FN1: variants seen among roughly 807,000 people sequenced by gnomAD.
FN1 encodes fibronectin.
Under a neutral mutation model 297.3 loss-of-function variants are expected in FN1, and 106 were observed. The observed-to-expected ratio is 0.36, with a 90% CI of 0.30 to 0.42. The LOEUF is 0.42. FN1 is among the 10% of genes least tolerant of loss of function. The pLI is 1.00. For synonymous variants in FN1, 1,149 were observed against 1,152.6 expected (o/e 1.00, Z 0.06); for missense variants, 2,690 against 3,124.9 (o/e 0.86, Z 3.32).
rs1278941021 is a variant in FN1 at position 215,379,293 on chromosome 2, T to G, written c.5459A>C (p.Lys1820Thr). 6.2e-7 allele frequency: 1 copy of G among 1,613,836 alleles called. No homozygotes were observed. Residue 1820 changes from lysine to threonine, a missense_variant, in exon 34 of 46, where the codon AAG becomes ACG. By Grantham distance (78) the Lys-to-Thr change is moderately conservative (BLOSUM62 -1). Transcript: ENST00000354785. ...GCTTGTGGGTGTGACCTGAGTGAAC[T>G]TCAGGTCAGTTGGTGCAGGAATAGC... Reference protein sequence around the residue: ...STAIPAPTDLKFTQVTPTSLS... With the variant: ...STAIPAPTDLTFTQVTPTSLS...
chr2:215,388,102 A>T, intron 27 of FN1, 110 bp downstream of exon 27: 3 of 810,204 alleles, frequency 3.7e-6, no homozygotes, highest in Non-Finnish European at 6.4e-6. Flanking sequence ...AAAGGTACAC[A>T]CACCATGACA....
intron 23 of FN1, among the ~76,000 whole-genome samples, chr2:215,395,028 G>C (rs2060151261): frequency 6.6e-6 from 1 of 152,118 alleles, no homozygotes; most frequent in South Asian, 2.1e-4. Flanking sequence ...TGAACCAGGG[G>C]AGTGATTCCC....
rs2062075728 is a variant in FN1 at position 215,408,293 on chromosome 2, T to C, written c.2428+5A>G. 1 of 1,614,192 alleles carries C rather than the reference T, an allele frequency of 6.2e-7. No individual in the cohort carries two copies. Among genetic ancestry groups the C allele is most frequent in the Non-Finnish European group, 8.5e-7 (1 of 1,180,014 alleles). On this transcript the variant is annotated splice_donor_5th_base_variant and intron_variant, in intron 16 of 45. Coordinates refer to ENST00000354785, the MANE Select transcript of FN1 (RefSeq NM_212482.4). ...TTCTTTTAACACTATGTAGCACACA[T>C]GTACCTGTTGTTTGTGAAGTAGACA...
chr2:215,383,207 C>T, intron 31 of FN1, 121 bp downstream of exon 31: 1 of 981,042 alleles, frequency 1.0e-6, no homozygotes, highest in South Asian at 1.3e-5. Context: ...GGGGTTTCGC[C>T]ATATTGGCCA....
At chr2:215,364,706 G>A in intron 44 of FN1, 173 bp downstream of exon 44, 1 of 644,076 alleles carries the variant, frequency 1.6e-6, no homozygotes, top group Non-Finnish European at 2.8e-6. Flanking sequence ...GGCATGTAAG[G>A]TAGACATAGA....
chr2:215,422,987 G>A (rs1165304032), intron 9 of FN1, among the ~76,000 whole-genome samples: 4 of 152,058 alleles, frequency 2.6e-5, no homozygotes, highest in East Asian at 3.8e-4. Context: ...GACTAAAGCC[G>A]TCATACATAT....
chr2:215,408,320 G>T lies in FN1; in HGVS notation c.2406C>A (p.Ile802=). The T allele has an allele frequency of 6.2e-7, 1 of 1,614,108 alleles. No individual in the cohort carries two copies. The highest frequency in any genetic ancestry group is 8.5e-7 in the Non-Finnish European group (1 of 1,180,002). The part of the protein sequence containing the change: ...QISEDGEQSL[I]LSTSQTTAPD... ...TACCTGTTGTTTGTGAAGTAGACAG[G>T]ATCAAACTCTGCTCCCCATCCTCAG... The change falls in exon 16 of 46, where the codon ATC becomes ATA. Residue 802 remains isoleucine (I), a synonymous_variant. Coordinates refer to ENST00000354785, the MANE Select transcript of FN1 (RefSeq NM_212482.4).
At chr2:215,401,779 T>C (rs1165860551) in intron 20 of FN1, among the ~76,000 whole-genome samples, 1 of 152,172 alleles carries the variant, frequency 6.6e-6, no homozygotes, top group Non-Finnish European at 1.5e-5. Context: ...GTCTGGATTC[T>C]AAGGAGCCAT....
intron 11 of FN1, 145 bp downstream of exon 11, chr2:215,420,524 TAGAG>T: frequency 1.0e-6 from 1 of 956,494 alleles, no homozygotes; most frequent in South Asian, 1.4e-5. Context: ...GGTCCAGTAT[TAGAG>T]AGAAGACTTT....
At position 215,388,273 on chromosome 2, in the gene FN1, C is replaced by CA; in HGVS notation, c.4280dup (p.Ser1428GlufsTer10). 1 of 1,613,872 alleles carries CA rather than the reference C, an allele frequency of 6.2e-7. No individual in the cohort carries two copies. The highest frequency in any genetic ancestry group is 1.1e-5 in the South Asian group (1 of 91,078). On this transcript the variant is annotated frameshift_variant, in exon 27 of 46. Transcript: ENST00000354785. LOFTEE classifies it high-confidence loss of function. ...GTTGTTCGTAGACACTGGAGACACTCACTACATATTCTGTACCAGGCAGGA... is the reference window on the plus strand; with the variant it reads ...GTTGTTCGTAGACACTGGAGACACTCAACTACATATTCTGTACCAGGCAGGA...
At chr2:215,370,529 G>C in intron 40 of FN1, 97 bp from the exon 41 acceptor site, 73 of 622,898 alleles carry the variant, frequency 1.2e-4, no homozygotes, top group Middle Eastern at 4.2e-4. Context: ...TTTAAACAAA[G>C]CAAAGGAAGA....
intron 39 of FN1, 51 bp downstream of exon 39, chr2:215,373,268 TTTG>T (rs2056596169): frequency 2.2e-6 from 3 of 1,370,562 alleles, no homozygotes; most frequent in Non-Finnish European, 3.1e-6. Flanking sequence ...AGATTGCTCA[TTTG>T]TTATTAGTTT....
intron 33 of FN1, chr2:215,379,620 T>A (rs1327533954): frequency 3.3e-6 from 1 of 299,880 alleles, no homozygotes; most frequent in Non-Finnish European, 6.3e-6. Flanking sequence ...AAAAGTTACA[T>A]TGGCTTATTG....
intron 35 of FN1, 71 bp downstream of exon 35, chr2:215,378,104 C>T: frequency 1.0e-6 from 1 of 967,856 alleles, no homozygotes; most frequent in East Asian, 2.4e-5. Context: ...CACTGAACCC[C>T]ACTGATTTAC....
intron 38 of FN1, 84 bp from the exon 39 acceptor site, chr2:215,373,495 G>GT: frequency 5.4e-6 from 6 of 1,101,432 alleles, no homozygotes; most frequent in African/African-American, 1.5e-5. Flanking sequence ...GACGCTACTG[G>GT]GAGCAGGCAC....
At position 215,425,095 on chromosome 2, in the gene FN1, T is replaced by C; in HGVS notation, c.1035A>G (p.Thr345=). 1 of 1,614,030 alleles carries C rather than the reference T, an allele frequency of 6.2e-7. No individual in the cohort carries two copies. Among genetic ancestry groups the C allele is most frequent in the Non-Finnish European group, 8.5e-7 (1 of 1,179,840 alleles). ...CLGNGVSCQE[T]AVTQTYGGNS... ...ATTCTTCAAAAAGATAATGCATACCTGTCTCTTGGCAGCTGACTCCGTTGC... is the reference window on the plus strand; with the variant it reads ...ATTCTTCAAAAAGATAATGCATACCCGTCTCTTGGCAGCTGACTCCGTTGC... Residue 345 remains threonine, a splice_region_variant and synonymous_variant, in exon 7 of 46, where the codon ACA becomes ACG. Transcript: ENST00000354785.
At chr2:215,410,965 C>T (rs1215890518) in intron 13 of FN1, among the ~76,000 whole-genome samples, 2 of 152,156 alleles carry the variant, frequency 1.3e-5, no homozygotes, top group Non-Finnish European at 2.9e-5. Flanking sequence ...TCTTTTAACT[C>T]AGTGGGATAC....
chr2:215,387,029 G>C, intron 27 of FN1, 71 bp from the exon 28 acceptor site: 1 of 1,398,152 alleles, frequency 7.2e-7, no homozygotes, highest in Non-Finnish European at 9.8e-7. Context: ...AAGTGAGGAA[G>C]GTGTAGGGGA....
chr2:215,417,156 C>T (rs1001111684), intron 12 of FN1, among the ~76,000 whole-genome samples: 19 of 152,224 alleles, frequency 1.2e-4, no homozygotes, highest in Admixed American at 4.6e-4. Flanking sequence ...TAGATTTAAA[C>T]TTTTGACAGT....
Sources: allele counts gnomAD v4.1 joint callset (sites outside exome capture counted in the v4.1 genomes callset), GRCh38; gene constraint gnomAD v4.1.1; transcripts MANE v1.5; gene names NCBI Gene and HGNC (gene_info 2026-07-23, HGNC 2026-07-21).